The following KANSL1L variants were observed in gnomAD, a reference collection of about 807,000 sequenced individuals.
KANSL1L encodes the protein KAT8 regulatory NSL complex subunit 1 like, also known as KAT8 regulatory NSL complex subunit 1-like protein.
A neutral mutation model predicts 108.6 loss-of-function variants in KANSL1L; 25 were observed. The ratio of observed to expected loss-of-function variants is 0.23; its 90% confidence interval spans 0.17 to 0.32. The LOEUF is 0.32. Ranked by LOEUF, KANSL1L falls within the 10% of genes least tolerant of loss-of-function variation. KANSL1L has a pLI of 1.00. For synonymous variants in KANSL1L, 405 were observed against 395.1 expected, an observed-to-expected ratio of 1.03 and a Z score of -0.30; for missense variants, 1,137 against 1,125.7, an observed-to-expected ratio of 1.01 and a Z score of -0.14.
Position 210,044,098 on chromosome 2 carries a change from GC to G in KANSL1L, c.1761del (p.Leu587PhefsTer9), listed in dbSNP as rs2094197855. The G allele has an allele frequency of 6.3e-7, 1 of 1,575,758 alleles. No individual in the cohort carries two copies. The highest frequency in any genetic ancestry group is 1.8e-5 in the Admixed American group (1 of 54,792). ...SPTFYWTPQT[L>X]PSKETAFLNT... ...TTTAAAAATGCTGTTTCTTTTGAAGGCAAAGTCTGCAAGGAAAAACCGTATT... is the reference window on the plus strand; with the variant it reads ...TTTAAAAATGCTGTTTCTTTTGAAGGAAAGTCTGCAAGGAAAAACCGTATT... On this transcript the variant is annotated frameshift_variant, in exon 7 of 15. Coordinates refer to ENST00000281772, the MANE Select transcript of KANSL1L (RefSeq NM_152519.4). LOFTEE classifies it high-confidence loss of function. The surrounding 1 kb of genome is among the most constrained non-coding windows in gnomAD (Gnocchi z 4.2).
intron 7 of KANSL1L, among the ~76,000 whole-genome samples, chr2:210,043,156 T>G (rs2094185189): frequency 6.6e-6 from 1 of 151,666 alleles, no homozygotes; most frequent in African/African-American, 2.4e-5. Flanking sequence ...GAGGTTGAGG[T>G]GGGAGGATCA....
chr2:210,060,023 G>A (rs548026655), intron 6 of KANSL1L, among the ~76,000 whole-genome samples: 1 of 152,252 alleles, frequency 6.6e-6, no homozygotes, highest in East Asian at 1.9e-4. Context: ...GATTACAGGC[G>A]TGAGCTATCA....
intron 2 of KANSL1L, among the ~76,000 whole-genome samples, chr2:210,142,765 A>T (rs1369921440): frequency 6.6e-6 from 1 of 152,080 alleles, no homozygotes. Flanking sequence ...AATTTTCCAA[A>T]ATTCCTCCTG....
Position 210,040,431 on chromosome 2 carries a change from G to A in KANSL1L, c.2018C>T (p.Ser673Phe), listed in dbSNP as rs779443727. The change falls in exon 8 of 15, where the codon TCT becomes TTT. Residue 673 changes from serine (S) to phenylalanine (F), a missense_variant. Transcript: ENST00000281772. ...TAAATGTGACATACCAGGTGATGGAGATATGATATATTCATCTACAAATTT... is the reference window on the plus strand; with the variant it reads ...TAAATGTGACATACCAGGTGATGGAAATATGATATATTCATCTACAAATTT... Reference protein sequence around the residue: ...ENKFVDEYIISPSPVHSTLNQ... With the variant: ...ENKFVDEYIIFPSPVHSTLNQ... 7.1e-7 allele frequency: 1 copy of A among 1,413,158 alleles called. No individual in the cohort carries two copies. Among genetic ancestry groups the A allele is most frequent in the South Asian group, 1.2e-5 (1 of 85,986 alleles). The allele number at this position is 1,413,158 out of a possible 1,614,324, so 87.5% of individuals were successfully genotyped here.
chr2:210,129,059 T>G lies in KANSL1L; in HGVS notation c.1202A>C (p.Asp401Ala). ...DLECKIQQLT[D>A]IHRQIRASKG... ...GGAGGCACGAATTTGCCTGTGAATG[T>G]CTGTTAGTTGTTGGATTTTGCATTC... is the stretch of plus-strand genomic sequence containing the variant. Residue 401 changes from aspartate (D) to alanine (A), a missense_variant, in exon 3 of 15, where the codon GAC becomes GCC. By Grantham distance (126) the Asp-to-Ala change is moderately radical. Transcript: ENST00000281772. The G allele has an allele frequency of 1.2e-6, 2 of 1,613,942 alleles. No individual in the cohort carries two copies.
At chr2:210,114,059 C>T (rs2094932319) in intron 3 of KANSL1L, among the ~76,000 whole-genome samples, 1 of 152,054 alleles carries the variant, frequency 6.6e-6, no homozygotes, top group South Asian at 2.1e-4. Flanking sequence ...TGATGAAAGA[C>T]ATGATTACAA....
At chr2:210,132,352 A>G (rs549293527) in intron 2 of KANSL1L, among the ~76,000 whole-genome samples, 10 of 151,946 alleles carry the variant, frequency 6.6e-5, no homozygotes, top group Non-Finnish European at 1.3e-4. Flanking sequence ...TCTGCCACTG[A>G]CTCCCTGAAT....
chr2:210,028,289 C>T (rs936778331), intron 11 of KANSL1L: 3 of 152,182 alleles, frequency 2.0e-5, no homozygotes. Flanking sequence ...CCTTTGTTGT[C>T]GTATCCCTAT....
At chr2:210,028,645 T>G in intron 11 of KANSL1L, 200 bp downstream of exon 11, 1 of 444,962 alleles carries the variant, frequency 2.2e-6, no homozygotes, top group Non-Finnish European at 3.9e-6. Context: ...TTCCTAAATC[T>G]TAATAAAAAC....
intron 6 of KANSL1L, among the ~76,000 whole-genome samples, chr2:210,061,847 A>T (rs1285945137): frequency 9.2e-5 from 14 of 152,238 alleles, no homozygotes; most frequent in Admixed American, 9.2e-4. Context: ...TGAAAAACTC[A>T]TAAAAGATTC....
rs993348133 is a variant in KANSL1L, at chr2:210,024,269, C to T, written c.2565-68G>A. ...GAGGTCTTGAAAATTTATGAACAAC[C>T]CAAGGTATCACTGAGTCAAGTTAAC... On this transcript the variant is annotated intron_variant, in intron 13 of 14. Transcript: ENST00000281772. The T allele has an allele frequency of 3.2e-6, 4 of 1,266,956 alleles. No individual in the cohort carries two copies. The Admixed American group carries it at 1.1e-4, about 34-fold the overall frequency. 78.5% of individuals were successfully genotyped at this position (1,266,956 alleles called of 1,614,324 possible). A position where few individuals can be genotyped will look rare whatever the true frequency, so the allele number is the denominator to read the frequency against.
intron 1 of KANSL1L, among the ~76,000 whole-genome samples, chr2:210,165,896 C>T (rs1414659761): frequency 6.6e-6 from 1 of 152,070 alleles, no homozygotes; most frequent in East Asian, 1.9e-4. Flanking sequence ...ATTTTGAGAG[C>T]GAGCAAGAAG....
At position 210,056,033 on chromosome 2, in the gene KANSL1L, G is replaced by A. The variant is rs529471127; in HGVS notation, c.1756-11929C>T. Among the ~76,000 whole-genome samples the A allele has an allele frequency of 3.9e-5, 6 of 152,316 alleles. No homozygotes were observed. In the South Asian group the frequency reaches 1.2e-3, roughly 32 times the overall value. On this transcript the variant is annotated intron_variant, in intron 6 of 14. Coordinates refer to ENST00000281772, the MANE Select transcript of KANSL1L (RefSeq NM_152519.4). ...GAGACTTAGGAGGAAAAATGGTTTC[G>A]TGGGCTGCGCCCAGGACCCCCCTGC...
intron 6 of KANSL1L, among the ~76,000 whole-genome samples, chr2:210,068,627 G>A (rs916377699): frequency 2.0e-5 from 3 of 152,164 alleles, no homozygotes; most frequent in Non-Finnish European, 4.4e-5. Context: ...GGTAATAAGT[G>A]TTTGCAACTG....
At chr2:210,165,011 G>A (rs1161015263) in intron 1 of KANSL1L, among the ~76,000 whole-genome samples, 6 of 151,514 alleles carry the variant, frequency 4.0e-5, no homozygotes, top group Non-Finnish European at 7.4e-5. Context: ...GATTACAGAT[G>A]CATGCCACCA....
intron 2 of KANSL1L, among the ~76,000 whole-genome samples, chr2:210,144,386 T>G (rs1404119347): frequency 1.6e-4 from 25 of 152,206 alleles, no homozygotes; most frequent in African/African-American, 5.8e-4. Context: ...CAATCATTAT[T>G]TCTTTAAAAA....
At chr2:210,170,332 C>CTTAA in intron 1 of KANSL1L, 3 of 983,738 alleles carry the variant, frequency 3.0e-6, no homozygotes, top group Non-Finnish European at 3.6e-6. Context: ...ACGGAATGTG[C>CTTAA]TTACCACAGT....
intron 6 of KANSL1L, among the ~76,000 whole-genome samples, chr2:210,051,773 T>C (rs1478778393): frequency 6.6e-6 from 1 of 152,126 alleles, no homozygotes; most frequent in Non-Finnish European, 1.5e-5. Flanking sequence ...TATTCAGAAA[T>C]TTCATGAGAA....
chr2:210,164,994 T>C (rs910699895), intron 1 of KANSL1L, among the ~76,000 whole-genome samples: 8 of 151,716 alleles, frequency 5.3e-5, no homozygotes, highest in Non-Finnish European at 8.8e-5. Context: ...GCCTCCCAAG[T>C]AGCTGGGATT....
Sources: allele counts gnomAD v4.1 joint callset (sites outside exome capture counted in the v4.1 genomes callset), GRCh38; gene constraint gnomAD v4.1.1; non-coding constraint Gnocchi (gnomAD v3.1); transcripts MANE v1.5; gene names NCBI Gene and HGNC (gene_info 2026-07-23, HGNC 2026-07-21).